The following TMPRSS2 variants were observed in gnomAD, a reference collection of about 807,000 sequenced individuals.
The protein encoded by TMPRSS2 is transmembrane serine protease 2, also known as transmembrane protease serine 2.
In TMPRSS2, 59 loss-of-function variants were observed where a neutral mutation model predicts 67.4. The observed-to-expected ratio is 0.88, with a 90% confidence interval of 0.71 to 1.09. The LOEUF (loss-of-function observed/expected upper bound fraction) is 1.09. Among genes scored for constraint, TMPRSS2 ranks in the 50% least tolerant of loss-of-function variants. TMPRSS2 has a pLI of 0.00. For synonymous variants in TMPRSS2, 257 were observed against 257.0 expected (o/e 1.00, Z 0.00); for missense variants, 668 against 642.7 (o/e 1.04, Z -0.43).
At chr21:41,499,255 T>G (rs1439060818) in intron 1 of TMPRSS2, among the ~76,000 whole-genome samples, 4 of 152,190 alleles carry the variant, frequency 2.6e-5, no homozygotes, top group African/African-American at 4.8e-5. Context: ...TTGTCCTTTG[T>G]GAACAGTTAA....
chr21:41,473,150 G>T (rs767577047), intron 9 of TMPRSS2, among the ~76,000 whole-genome samples, 175 bp downstream of exon 9: 1 of 152,208 alleles, frequency 6.6e-6, no homozygotes, highest in Non-Finnish European at 1.5e-5. Context: ...ATACAGCCAT[G>T]CACTGCCTGG....
At chr21:41,489,460 TG>T in intron 4 of TMPRSS2, 46 bp downstream of exon 4, 1 of 1,544,414 alleles carries the variant, frequency 6.5e-7, no homozygotes, top group Non-Finnish European at 8.9e-7. Flanking sequence ...CTCAGAGCAC[TG>T]GGGACTGCAG....
chr21:41,499,293 C>T (rs2838043), intron 1 of TMPRSS2, among the ~76,000 whole-genome samples: 21,485 of 152,214 alleles, frequency 0.14, 1,785 homozygotes, highest in Non-Finnish European at 0.19. Context: ...GCCGTCAACA[C>T]GAAATGCTGT....
chr21:41,483,609 T>C (rs938290957), intron 5 of TMPRSS2, among the ~76,000 whole-genome samples: 9 of 150,122 alleles, frequency 6.0e-5, no homozygotes, highest in African/African-American at 2.2e-4. Flanking sequence ...AATACACTTC[T>C]ATGATTAAAA....
intron 1 of TMPRSS2, among the ~76,000 whole-genome samples, chr21:41,504,228 G>T (rs2091442323): frequency 6.6e-6 from 1 of 152,112 alleles, no homozygotes; most frequent in Non-Finnish European, 1.5e-5. Context: ...ACAAGCCAAG[G>T]TGCCCTTCAA....
chr21:41,471,671 A>G (rs2091134435), intron 10 of TMPRSS2, 135 bp downstream of exon 10: 8 of 1,013,840 alleles, frequency 7.9e-6, no homozygotes, highest in Middle Eastern at 6.1e-4. Flanking sequence ...AGCCTCTCCC[A>G]TTGGCCACCC....
chr21:41,488,472 A>AGGAGTCGC lies in TMPRSS2; in HGVS notation c.359_366dup (p.Ser123AlafsTer81), dbSNP rs1167960590. ...TTAGAGGGGTTGATGCAGGTACCTG[A>AGGAGTCGC]GGAGTCGCACTCTATCCCAGAGTTG... On this transcript the variant is annotated frameshift_variant, in exon 5 of 14. Coordinates refer to ENST00000332149, the MANE Select transcript of TMPRSS2 (RefSeq NM_005656.4). LOFTEE classifies it high-confidence loss of function. The AGGAGTCGC allele has an allele frequency of 1.2e-5, 20 of 1,613,782 alleles. No individual in the cohort carries two copies. Among genetic ancestry groups the AGGAGTCGC allele is most frequent in the Non-Finnish European group, 1.6e-5 (19 of 1,179,898 alleles).
intron 9 of TMPRSS2, among the ~76,000 whole-genome samples, chr21:41,472,772 C>A (rs904310360): frequency 6.6e-6 from 1 of 152,168 alleles, no homozygotes; most frequent in Non-Finnish European, 1.5e-5. Flanking sequence ...CCAAGTGAGG[C>A]CTCCTCCAAA....
At chr21:41,494,644 C>T (rs2091366224) in intron 2 of TMPRSS2, 66 bp from the exon 3 acceptor site, 2 of 1,388,430 alleles carry the variant, frequency 1.4e-6, no homozygotes, top group Admixed American at 1.8e-5. Flanking sequence ...TACATACAAA[C>T]TATCACATCA....
intron 3 of TMPRSS2, among the ~76,000 whole-genome samples, chr21:41,492,305 C>T (rs544308006): frequency 6.6e-6 from 1 of 152,358 alleles, no homozygotes; most frequent in South Asian, 2.1e-4. Context: ...CATGGTTTCT[C>T]ACGTTTAGCT....
chr21:41,466,176 AGT>A lies in TMPRSS2; in HGVS notation c.1468-25_1468-24del, dbSNP rs749079122. The A allele has an allele frequency of 8.1e-6, 13 of 1,612,778 alleles. No individual in the cohort carries two copies. The East Asian group carries it at 8.9e-5, about 11-fold the overall frequency. On this transcript the variant is annotated intron_variant, in intron 13 of 13. Transcript: ENST00000332149. Reference sequence around the variant, plus strand: ...TGCCTGTTCAAATAGGAAAAAAAAAAGTGTGTTATTTTCTTAAGACAAACAAA... The same window carrying A: ...TGCCTGTTCAAATAGGAAAAAAAAAAGTGTTATTTTCTTAAGACAAACAAA...
At chr21:41,477,307 G>A (rs1040976459) in intron 7 of TMPRSS2, among the ~76,000 whole-genome samples, 12 of 152,164 alleles carry the variant, frequency 7.9e-5, no homozygotes, top group Admixed American at 7.9e-4. Flanking sequence ...GACACAAGGA[G>A]CCTCCTCCGA....
intron 7 of TMPRSS2, among the ~76,000 whole-genome samples, chr21:41,477,149 T>C (rs2091220663): frequency 6.6e-6 from 1 of 152,212 alleles, no homozygotes; most frequent in South Asian, 2.1e-4. Context: ...GCAGTGAATT[T>C]CCCAGGCTAT....
intron 5 of TMPRSS2, among the ~76,000 whole-genome samples, chr21:41,486,139 G>T (rs974139274): frequency 9.2e-5 from 14 of 152,188 alleles, no homozygotes; most frequent in African/African-American, 3.4e-4. Flanking sequence ...TTTCTGGTAA[G>T]TCCTCTGACT....
intron 5 of TMPRSS2, among the ~76,000 whole-genome samples, chr21:41,483,308 CTTT>C (rs889441594): frequency 6.6e-6 from 1 of 150,904 alleles, no homozygotes; most frequent in East Asian, 1.9e-4. Context: ...TCTTCTTCTT[CTTT>C]TTTTTTCTTG....
At chr21:41,502,637 T>C (rs1203799334) in intron 1 of TMPRSS2, 1 of 956,266 alleles carries the variant, frequency 1.0e-6, no homozygotes, top group African/African-American at 1.8e-5. Flanking sequence ...AAGGATAGAA[T>C]GCATGACTAA....
intron 1 of TMPRSS2, among the ~76,000 whole-genome samples, chr21:41,503,955 G>T (rs2091440414): frequency 5.3e-5 from 8 of 152,200 alleles, no homozygotes; most frequent in Admixed American, 5.2e-4. Flanking sequence ...CTGCAGTGGG[G>T]TCAGGCTGAG....
chr21:41,466,383 A>G (rs1232828801), intron 13 of TMPRSS2, among the ~76,000 whole-genome samples: 4 of 152,224 alleles, frequency 2.6e-5, no homozygotes, highest in African/African-American at 9.6e-5. Context: ...CACAACAGGC[A>G]TCTCTTCAGC....
chr21:41,480,339 A>G, intron 6 of TMPRSS2, 137 bp downstream of exon 6: 1 of 1,409,174 alleles, frequency 7.1e-7, no homozygotes, highest in South Asian at 1.4e-5. Context: ...CCTGCTGGTT[A>G]TAGGGCTCAG....
Sources: gnomAD v4.1 joint callset for allele counts (sites outside exome capture counted in the v4.1 genomes callset) on GRCh38, gnomAD v4.1.1 for gene constraint, MANE v1.5 for transcripts, NCBI Gene and HGNC (gene_info 2026-07-23, HGNC 2026-07-21) for gene names.